CDH20: variants seen among roughly 807,000 people sequenced by gnomAD.
CDH20 encodes the protein cadherin-20.
Under a neutral mutation model 74.2 loss-of-function variants are expected in CDH20, and 29 were observed. That is an observed-to-expected ratio of 0.39 (90% CI 0.29 to 0.53). The LOEUF (loss-of-function observed/expected upper bound fraction) is 0.53. Ranked by LOEUF, CDH20 falls within the 20% of genes least tolerant of loss-of-function variation. The pLI, the probability that CDH20 is intolerant of heterozygous loss-of-function variation, is 0.69. For missense variants in CDH20, 988 were observed against 1,048.3 expected (o/e 0.94, Z 0.79); for synonymous variants, 469 against 405.4 (o/e 1.16, Z -1.88).
intron 8 of CDH20, among the ~76,000 whole-genome samples, chr18:61,538,349 GA>G (rs1463612081): frequency 6.6e-6 from 1 of 152,056 alleles, no homozygotes; most frequent in Non-Finnish European, 1.5e-5. Flanking sequence ...CCAAATGGGA[GA>G]CTGAAAACCT....
chr18:61,493,121 GCAAATC>G (rs1431317450), intron 2 of CDH20, among the ~76,000 whole-genome samples: 1 of 152,202 alleles, frequency 6.6e-6, no homozygotes, highest in East Asian at 1.9e-4. Flanking sequence ...TAATGCAGCT[GCAAATC>G]CCTTGGCCTC....
intron 1 of CDH20, among the ~76,000 whole-genome samples, chr18:61,468,130 G>T (rs925225258): frequency 2.6e-5 from 4 of 152,102 alleles, no homozygotes; most frequent in Non-Finnish European, 4.4e-5. Context: ...TACATATCAC[G>T]GGTCCCTTTG....
At chr18:61,522,581 A>T (rs951082027) in intron 6 of CDH20, among the ~76,000 whole-genome samples, 1 of 152,210 alleles carries the variant, frequency 6.6e-6, no homozygotes, top group Non-Finnish European at 1.5e-5. Context: ...TTTCATATGG[A>T]TCCAAAAAAG....
At chr18:61,385,126 C>A (rs1599049984) in intron 1 of CDH20, among the ~76,000 whole-genome samples, 1 of 152,208 alleles carries the variant, frequency 6.6e-6, no homozygotes, top group Non-Finnish European at 1.5e-5. Flanking sequence ...TCATAATATA[C>A]AAATTTTATT....
intron 1 of CDH20, among the ~76,000 whole-genome samples, chr18:61,352,820 G>T (rs1360611266): frequency 6.6e-6 from 1 of 152,032 alleles, no homozygotes; most frequent in Admixed American, 6.6e-5. Flanking sequence ...AAAATCCTTG[G>T]GTGGCCAAGG....
chr18:61,400,296 C>G (rs994814739), intron 1 of CDH20, among the ~76,000 whole-genome samples: 1 of 152,222 alleles, frequency 6.6e-6, no homozygotes, highest in Non-Finnish European at 1.5e-5. Flanking sequence ...TGAGCATTAA[C>G]TCTTGTCTAG....
chr18:61,423,454 A>T (rs936673681), intron 1 of CDH20, among the ~76,000 whole-genome samples: 2 of 152,204 alleles, frequency 1.3e-5, no homozygotes, highest in Non-Finnish European at 2.9e-5. Context: ...GTTTGTGAAT[A>T]ATCTCTGCAT....
intron 1 of CDH20, among the ~76,000 whole-genome samples, chr18:61,339,826 T>A (rs1201686622): frequency 2.6e-5 from 4 of 151,784 alleles, no homozygotes; most frequent in Non-Finnish European, 5.9e-5. Context: ...TAGCTGGGAC[T>A]ACAGGTGCCC....
rs373231826 is a variant in CDH20 at position 61,462,725 on chromosome 18, G to C, written c.-152-27677G>C. ...AATGAATATCTTACAAAAAAAAAAAGGGGGGGGGGGCATCTAGGGCATGTC... is the reference window on the plus strand; with the variant it reads ...AATGAATATCTTACAAAAAAAAAAACGGGGGGGGGGCATCTAGGGCATGTC... On this transcript the variant is annotated intron_variant, in intron 1 of 11. Coordinates refer to ENST00000262717, the MANE Select transcript of CDH20 (RefSeq NM_031891.4). Among the ~76,000 whole-genome samples, 51 of 59,444 alleles carry C rather than the reference G, an allele frequency of 8.6e-4. 1 individual carries two copies. The highest frequency in any genetic ancestry group is 1.4e-3 in the Non-Finnish European group (41 of 29,838). 39.0% of individuals were successfully genotyped at this position (59,444 alleles called of 152,430 possible).
chr18:61,368,713 A>G (rs1336605940), intron 1 of CDH20, among the ~76,000 whole-genome samples: 1 of 152,094 alleles, frequency 6.6e-6, no homozygotes, highest in Non-Finnish European at 1.5e-5. Flanking sequence ...AAAGTACACT[A>G]TTTAATAAAA....
At chr18:61,545,686 G>A (rs1371997526) in intron 10 of CDH20, among the ~76,000 whole-genome samples, 1 of 152,058 alleles carries the variant, frequency 6.6e-6, no homozygotes, top group Non-Finnish European at 1.5e-5. Flanking sequence ...CACATTTCTA[G>A]GCAGAGATCA....
intron 9 of CDH20, among the ~76,000 whole-genome samples, chr18:61,542,440 T>C (rs528057204): frequency 9.9e-4 from 151 of 152,152 alleles, no homozygotes; most frequent in African/African-American, 3.1e-3. Context: ...GGGAGGGAAG[T>C]GAAGGAAGCA....
intron 4 of CDH20, among the ~76,000 whole-genome samples, chr18:61,501,563 C>T (rs923105120): frequency 2.6e-5 from 4 of 152,136 alleles, no homozygotes; most frequent in African/African-American, 9.7e-5. Flanking sequence ...GGTGAACACT[C>T]AAAGTCACCT....
In CDH20 at chr18:61,510,982, T is replaced by TTC. The variant is rs1429802993; in HGVS notation, c.1017+3423_1017+3424insCT. On this transcript the variant is annotated intron_variant, in intron 6 of 11. Coordinates refer to ENST00000262717, the MANE Select transcript of CDH20 (RefSeq NM_031891.4). ...GTTTTTTCTTTCTTTCTTTCTTTCT[T>TTC]TTTTTTTTTTTGTTTATTTGTTTGA... Among the ~76,000 whole-genome samples the TTC allele has an allele frequency of 2.2e-4, 32 of 147,554 alleles. 1 individual carries two copies. The highest frequency in any genetic ancestry group is 4.5e-4 in the Non-Finnish European group (30 of 66,940).
At chr18:61,524,974 C>T (rs56403676) in intron 6 of CDH20, among the ~76,000 whole-genome samples, 1 of 150,972 alleles carries the variant, frequency 6.6e-6, no homozygotes, top group African/African-American at 2.4e-5. Context: ...ATGCATCATG[C>T]TAAGTGAAAG....
intron 6 of CDH20, among the ~76,000 whole-genome samples, chr18:61,509,742 A>T (rs535786471): frequency 1.3e-5 from 2 of 152,272 alleles, no homozygotes; most frequent in Non-Finnish European, 2.9e-5. Flanking sequence ...AAGGACAGAA[A>T]GAGGGAGACC....
At chr18:61,406,314 T>G (rs1599063533) in intron 1 of CDH20, among the ~76,000 whole-genome samples, 1 of 152,332 alleles carries the variant, frequency 6.6e-6, no homozygotes, top group East Asian at 1.9e-4. Flanking sequence ...TAGGATAAAA[T>G]GTGCATCTCC....
chr18:61,404,185 C>A (rs775814928), intron 1 of CDH20, among the ~76,000 whole-genome samples: 1 of 152,152 alleles, frequency 6.6e-6, no homozygotes, highest in South Asian at 2.1e-4. Context: ...ATGTAACAAA[C>A]CTGCACGTCC....
At chr18:61,340,607 A>G (rs1909917257) in intron 1 of CDH20, among the ~76,000 whole-genome samples, 2 of 152,232 alleles carry the variant, frequency 1.3e-5, no homozygotes, top group South Asian at 2.1e-4. Flanking sequence ...ACATATATTT[A>G]TACAAATCTT....
Sources: allele counts gnomAD v4.1 joint callset (sites outside exome capture counted in the v4.1 genomes callset), GRCh38; gene constraint gnomAD v4.1.1; transcripts MANE v1.5; gene names NCBI Gene and HGNC (gene_info 2026-07-23, HGNC 2026-07-21).